COL24A1: variants seen among roughly 807,000 people sequenced by gnomAD.
The protein encoded by COL24A1 is collagen type XXIV alpha 1 chain.
A neutral mutation model predicts 253.9 loss-of-function variants in COL24A1; 224 were observed. The ratio of observed to expected loss-of-function variants is 0.88; its 90% CI spans 0.79 to 0.99. COL24A1 has a LOEUF of 0.99. Among genes scored for constraint, COL24A1 ranks in the 50% least tolerant of loss-of-function variants. The probability of loss-of-function intolerance (pLI) is 0.00; values close to 1 mark genes in which losing one functional copy is unlikely to be tolerated. For synonymous variants in COL24A1, 685 were observed against 673.7 expected (o/e 1.02, Z -0.26); for missense variants, 2,131 against 2,068.5 (o/e 1.03, Z -0.59).
chr1:85,919,270 A>G (rs1686213493), intron 24 of COL24A1, among the ~76,000 whole-genome samples: 1 of 152,238 alleles, frequency 6.6e-6, no homozygotes, highest in African/African-American at 2.4e-5. Context: ...TGACTGATGC[A>G]ATATGTCCTT....
intron 43 of COL24A1, among the ~76,000 whole-genome samples, chr1:85,827,542 A>C (rs1674544611): frequency 6.6e-6 from 1 of 152,016 alleles, no homozygotes; most frequent in East Asian, 1.9e-4. Context: ...TTCGGCTGTG[A>C]ATCCATCTGG....
chr1:85,894,550 T>G (rs1357234526), intron 31 of COL24A1, among the ~76,000 whole-genome samples: 1 of 152,166 alleles, frequency 6.6e-6, no homozygotes, highest in African/African-American at 2.4e-5. Context: ...GGTCTCATTT[T>G]TTTTTTAAAT....
chr1:86,025,656 A>G (rs1003924764), intron 14 of COL24A1, among the ~76,000 whole-genome samples: 3 of 152,336 alleles, frequency 2.0e-5, no homozygotes, highest in African/African-American at 7.2e-5. Context: ...GCTCCGGGCA[A>G]GCAGACAAGT....
At chr1:86,105,700 A>G (rs141756503) in intron 5 of COL24A1, among the ~76,000 whole-genome samples, 14 of 152,222 alleles carry the variant, frequency 9.2e-5, no homozygotes, top group African/African-American at 3.1e-4. Context: ...TGGGCTCCAC[A>G]CTGGCTGAGT....
intron 5 of COL24A1, among the ~76,000 whole-genome samples, chr1:86,109,243 T>C (rs1229718242): frequency 6.6e-6 from 1 of 152,194 alleles, no homozygotes; most frequent in Non-Finnish European, 1.5e-5. Flanking sequence ...CTATTACTTA[T>C]CCAGACTTGA....
intron 39 of COL24A1, among the ~76,000 whole-genome samples, chr1:85,845,233 T>A (rs979774717): frequency 6.6e-6 from 1 of 151,844 alleles, no homozygotes; most frequent in Non-Finnish European, 1.5e-5. Flanking sequence ...TATGAAGGAA[T>A]TTTCTTATAT....
chr1:85,781,413 A>AATACTGT, intron 51 of COL24A1, 140 bp from the exon 52 acceptor site: 1 of 500,612 alleles, frequency 2.0e-6, no homozygotes, highest in Non-Finnish European at 3.4e-6. Context: ...GTATTAGCAT[A>AATACTGT]AATTACAATA....
intron 2 of COL24A1, among the ~76,000 whole-genome samples, chr1:86,140,460 T>TTGGCTAAGTGCG (rs1404578617): frequency 3.3e-5 from 5 of 152,244 alleles, no homozygotes; most frequent in African/African-American, 1.2e-4. Context: ...TATAGAAGTT[T>TTGGCTAAGTGCG]TGGCTAAGTG....
chr1:85,962,001 C>T (rs574763769), intron 23 of COL24A1, among the ~76,000 whole-genome samples: 11 of 152,126 alleles, frequency 7.2e-5, no homozygotes, highest in African/African-American at 1.4e-4. Flanking sequence ...TTCTCCTATT[C>T]GTGACTTTTA....
chr1:86,046,452 A>G (rs1699910551), intron 12 of COL24A1, among the ~76,000 whole-genome samples: 1 of 152,302 alleles, frequency 6.6e-6, no homozygotes, highest in Admixed American at 6.5e-5. Flanking sequence ...ACGCATTTTA[A>G]AAACCTCCAG....
chr1:85,936,318 T>C lies in COL24A1; in HGVS notation c.2563-24885A>G, dbSNP rs1010438886. Among the ~76,000 whole-genome samples the C allele has an allele frequency of 2.0e-5, 3 of 147,212 alleles. 1 individual carries two copies. The highest frequency in any genetic ancestry group is 5.0e-5 in the African/African-American group (2 of 40,092). Reference sequence around the variant, plus strand: ...CTCCCCTAACATAACCTCTCCCCTGTAAGAAAACGTAACCCAGTTAGGATT... The same window carrying C: ...CTCCCCTAACATAACCTCTCCCCTGCAAGAAAACGTAACCCAGTTAGGATT... On this transcript the variant is annotated intron_variant, in intron 24 of 59. Transcript: ENST00000370571.
intron 2 of COL24A1, among the ~76,000 whole-genome samples, chr1:86,133,746 T>G (rs182541470): frequency 0.012 from 1,899 of 152,160 alleles, 38 homozygotes; most frequent in African/African-American, 0.043. Flanking sequence ...GCTGGATTCG[T>G]TTTGCCAGTA....
chr1:85,736,584 C>T (rs1346680071), intron 58 of COL24A1: 5 of 437,528 alleles, frequency 1.1e-5, no homozygotes, highest in South Asian at 4.8e-5. Context: ...TGATGGAATG[C>T]CCTGGTTAAT....
intron 47 of COL24A1, among the ~76,000 whole-genome samples, chr1:85,799,379 TAA>T (rs66952563): frequency 2.0e-4 from 23 of 112,308 alleles, no homozygotes; most frequent in Middle Eastern, 4.9e-3. Context: ...GTGCCATGAC[TAA>T]AAAAAAAAAA....
chr1:85,778,015 GTCTCTA>G (rs1247270985), intron 52 of COL24A1, among the ~76,000 whole-genome samples: 3 of 113,348 alleles, frequency 2.6e-5, no homozygotes, highest in African/African-American at 9.6e-5. Context: ...GTGTGTATAT[GTCTCTA>G]TCTCTATCTA....
intron 19 of COL24A1, among the ~76,000 whole-genome samples, chr1:86,005,367 A>G (rs1042600820): frequency 6.6e-6 from 1 of 151,764 alleles, no homozygotes; most frequent in African/African-American, 2.4e-5. Flanking sequence ...AAGCTCCATA[A>G]AGTAAAAAAA....
At chr1:86,146,231 T>C (rs1406862643) in intron 1 of COL24A1, 48 bp from the exon 2 acceptor site, 11 of 1,437,042 alleles carry the variant, frequency 7.7e-6, no homozygotes, top group Non-Finnish European at 1.1e-5. Context: ...GTTGGACATT[T>C]ACAACCATAT....
At chr1:86,089,845 T>C (rs867818176) in intron 6 of COL24A1, among the ~76,000 whole-genome samples, 2 of 152,000 alleles carry the variant, frequency 1.3e-5, no homozygotes, top group Non-Finnish European at 2.9e-5. Flanking sequence ...AGAAAAAAAA[T>C]TGAAAGTAGT....
intron 24 of COL24A1, among the ~76,000 whole-genome samples, chr1:85,927,116 C>A (rs960700945): frequency 1.3e-5 from 2 of 152,088 alleles, no homozygotes; most frequent in African/African-American, 4.8e-5. Flanking sequence ...GTCTACAGCT[C>A]CCAGCGTGAG....
Sources: gnomAD v4.1 joint callset for allele counts (sites outside exome capture counted in the v4.1 genomes callset) on GRCh38, gnomAD v4.1.1 for gene constraint, MANE v1.5 for transcripts, NCBI Gene and HGNC (gene_info 2026-07-23, HGNC 2026-07-21) for gene names.